Variants in DCAF8L2 observed in about 807,000 individuals in gnomAD.
DCAF8L2 encodes the protein DDB1- and CUL4-associated factor 8-like protein 2.
For missense variants in DCAF8L2, 430 were observed against 490.7 expected, an observed-to-expected ratio of 0.88 and a Z score of 1.17; for synonymous variants, 200 against 190.9, an observed-to-expected ratio of 1.05 and a Z score of -0.39.
chrX:27,520,342 T>C, the DCAF8L2 span, among the ~76,000 whole-genome samples: 1 of 112,065 alleles, frequency 8.9e-6, no homozygotes, highest in African/African-American at 3.2e-5. Context: ...ACGTAATCAA[T>C]GGCAAGTGCA....
At chrX:27,490,107 G>A in the DCAF8L2 span, among the ~76,000 whole-genome samples, 1 of 111,343 alleles carries the variant, frequency 9.0e-6, no homozygotes, top group Non-Finnish European at 1.9e-5. Context: ...AAACTCCTGG[G>A]CTCAAGCAAT....
intron 2 of DCAF8L2, among the ~76,000 whole-genome samples, chrX:27,676,081 C>T (rs926934827): frequency 1.8e-5 from 2 of 111,199 alleles, no homozygotes; most frequent in African/African-American, 6.5e-5. Context: ...AGTTTATCAC[C>T]CCATTTCTAA....
chrX:27,732,806 A>T (rs1921292060), intron 4 of DCAF8L2, among the ~76,000 whole-genome samples: 1 of 111,275 alleles, frequency 9.0e-6, no homozygotes, highest in African/African-American at 3.3e-5. Context: ...ACTATTTGCC[A>T]TAATGACTAT....
At chrX:27,520,117 T>A in the DCAF8L2 span, among the ~76,000 whole-genome samples, 69 of 112,116 alleles carry the variant, frequency 6.2e-4, no homozygotes, top group African/African-American at 2.1e-3. Flanking sequence ...AAAACTTCAA[T>A]CAAATTGACC....
chrX:27,568,992 C>CAGAG, the DCAF8L2 span, among the ~76,000 whole-genome samples: 1 of 81,289 alleles, frequency 1.2e-5, no homozygotes, highest in Non-Finnish European at 2.5e-5. Flanking sequence ...CACACACACA[C>CAGAG]ACACAGAGTT....
At chrX:27,510,920 G>C in the DCAF8L2 span, among the ~76,000 whole-genome samples, 1 of 111,325 alleles carries the variant, frequency 9.0e-6, no homozygotes, top group African/African-American at 3.3e-5. Context: ...CAGTTTTAAA[G>C]GAAGATCAGG....
At chrX:27,482,393 G>T in the DCAF8L2 span, among the ~76,000 whole-genome samples, 1 of 111,201 alleles carries the variant, frequency 9.0e-6, no homozygotes, top group African/African-American at 3.3e-5. Flanking sequence ...TAGATTCCAT[G>T]GAAATGAGCT....
the DCAF8L2 span, among the ~76,000 whole-genome samples, chrX:27,536,453 C>T: frequency 1.1e-4 from 12 of 112,158 alleles, no homozygotes; most frequent in Non-Finnish European, 2.3e-4. Context: ...AGAATCACCT[C>T]TAAGGAGGAT....
At chrX:27,516,454 TCACA>T in the DCAF8L2 span, among the ~76,000 whole-genome samples, 4,691 of 96,992 alleles carry the variant, frequency 0.048, 220 homozygotes, top group African/African-American at 0.14. Context: ...CATCTCTCTC[TCACA>T]CACACACACA....
chrX:27,507,693 A>C, the DCAF8L2 span, among the ~76,000 whole-genome samples: 1 of 111,496 alleles, frequency 9.0e-6, no homozygotes, highest in East Asian at 2.8e-4. Context: ...GTAATTACAG[A>C]GTTGTTTTGA....
At chrX:27,512,319 G>A in the DCAF8L2 span, among the ~76,000 whole-genome samples, 1 of 110,368 alleles carries the variant, frequency 9.1e-6, no homozygotes, top group African/African-American at 3.3e-5. Flanking sequence ...AAGATATCCC[G>A]TGTTCATGGA....
At chrX:27,744,551 C>T (rs991254608) in intron 4 of DCAF8L2, among the ~76,000 whole-genome samples, 2 of 111,151 alleles carry the variant, frequency 1.8e-5, no homozygotes, top group African/African-American at 3.3e-5. Context: ...AGTTGGTGGT[C>T]ACTTTATTTA....
Position 27,748,113 on chromosome X carries a change from C to T in DCAF8L2, c.1218C>T (p.Gly406=), listed in dbSNP as rs1210527743. ...AAATTGATAAGAAAGAAAACAATGG[C>T]GTGCTCAAGAAATTCACTCCTCATC... The part of the protein sequence containing the change: ...QRKIDKKENN[G]VLKKFTPHHL... Residue 406 remains glycine, a synonymous_variant, in exon 5 of 5, where the codon GGC becomes GGT. Coordinates refer to ENST00000451261, the MANE Select transcript of DCAF8L2 (RefSeq NM_001353450.2). 1.7e-6 allele frequency: 2 copies of T among 1,209,918 alleles called. No homozygotes were observed. Among genetic ancestry groups the T allele is most frequent in the Non-Finnish European group, 2.2e-6 (2 of 895,037 alleles).
At chrX:27,656,285 C>T (rs969938650) in intron 2 of DCAF8L2, among the ~76,000 whole-genome samples, 2 of 111,960 alleles carry the variant, frequency 1.8e-5, no homozygotes, top group Non-Finnish European at 3.8e-5. Context: ...CTGCCAACAG[C>T]GGTATCCGAA....
At chrX:27,746,317 T>G (rs1221882866) in intron 4 of DCAF8L2, among the ~76,000 whole-genome samples, 2 of 112,441 alleles carry the variant, frequency 1.8e-5, no homozygotes, top group Non-Finnish European at 3.8e-5. Context: ...CTGGCAACCC[T>G]ATATCGATTC....
chrX:27,574,513 C>G, the DCAF8L2 span, among the ~76,000 whole-genome samples: 1 of 112,209 alleles, frequency 8.9e-6, no homozygotes, highest in African/African-American at 3.2e-5. Flanking sequence ...TGAGATATGG[C>G]TAAGGTGAAG....
At chrX:27,578,323 T>C in the DCAF8L2 span, among the ~76,000 whole-genome samples, 1 of 111,834 alleles carries the variant, frequency 8.9e-6, no homozygotes, top group South Asian at 3.7e-4. Flanking sequence ...GGATTCCCTA[T>C]TTAATAAATG....
At chrX:27,578,099 A>G in the DCAF8L2 span, among the ~76,000 whole-genome samples, 2 of 111,607 alleles carry the variant, frequency 1.8e-5, no homozygotes, top group Non-Finnish European at 3.8e-5. Flanking sequence ...AGCCAAGACA[A>G]TCCTAAGCAA....
the DCAF8L2 span, among the ~76,000 whole-genome samples, chrX:27,580,265 G>T: frequency 9.0e-6 from 1 of 111,317 alleles, no homozygotes. Context: ...GCAAGAGAGG[G>T]TTGGTTAATC....
Sources: gnomAD v4.1 joint callset for allele counts (sites outside exome capture counted in the v4.1 genomes callset) on GRCh38, gnomAD v4.1.1 for gene constraint, MANE v1.5 for transcripts, NCBI Gene and HGNC (gene_info 2026-07-23, HGNC 2026-07-21) for gene names.